The following WDR43 variants were observed in gnomAD, a reference collection of about 807,000 sequenced individuals.
The protein encoded by WDR43 is WD repeat domain 43.
In WDR43, 13 loss-of-function variants were observed where a neutral mutation model predicts 91.4. The ratio of observed to expected loss-of-function variants is 0.14; its 90% CI spans 0.09 to 0.23. The LOEUF (loss-of-function observed/expected upper bound fraction) is 0.23, where lower values mean the gene tolerates loss of function less well. Ranked by LOEUF, WDR43 falls within the 10% of genes least tolerant of loss-of-function variation. The pLI, the probability that WDR43 is intolerant of heterozygous loss-of-function variation, is 1.00. For missense variants in WDR43, 780 were observed against 809.4 expected (o/e 0.96, Z 0.44); for synonymous variants, 331 against 287.9 (o/e 1.15, Z -1.51).
chr2:28,936,504 T>C (rs1044753847), intron 12 of WDR43, among the ~76,000 whole-genome samples: 1 of 152,208 alleles, frequency 6.6e-6, no homozygotes, highest in Admixed American at 6.5e-5. Context: ...TTTTTTTCTT[T>C]GTATTTTAAA....
intron 2 of WDR43, among the ~76,000 whole-genome samples, chr2:28,905,345 C>T (rs1159032092): frequency 6.6e-6 from 1 of 152,148 alleles, no homozygotes; most frequent in Non-Finnish European, 1.5e-5. Context: ...TGAATGAGCT[C>T]TTCTCAGTTT....
At chr2:28,920,517 C>A (rs766061308) in intron 6 of WDR43, among the ~76,000 whole-genome samples, 4 of 151,216 alleles carry the variant, frequency 2.6e-5, no homozygotes, top group African/African-American at 9.7e-5. Context: ...CATAAGCCAC[C>A]CCACTCAACC....
chr2:28,913,110 C>A (rs950396887), intron 4 of WDR43, among the ~76,000 whole-genome samples: 3 of 151,684 alleles, frequency 2.0e-5, no homozygotes, highest in Non-Finnish European at 2.9e-5. Flanking sequence ...CCCGCCACCA[C>A]GCGTGGCTAA....
chr2:28,942,265 G>A (rs917713298), intron 15 of WDR43, 47 bp from the exon 16 acceptor site: 3 of 1,583,450 alleles, frequency 1.9e-6, no homozygotes, highest in African/African-American at 1.3e-5. Flanking sequence ...GTGATACTTG[G>A]GATATGTTTA....
Position 28,914,107 on chromosome 2 carries a change from G to A in WDR43, c.645G>A (p.Met215Ile). 6.2e-6 allele frequency: 10 copies of A among 1,613,908 alleles called. No individual in the cohort carries two copies. The highest frequency in any genetic ancestry group is 8.5e-6 in the Non-Finnish European group (10 of 1,179,866). ...ATGCAACGCCAGTTTCGTCACTGATGTTCACTACCATCAGACCTCCTAATG... is the reference window on the plus strand; with the variant it reads ...ATGCAACGCCAGTTTCGTCACTGATATTCACTACCATCAGACCTCCTAATG... ...TGHATPVSSLMFTTIRPPNES... is the reference protein window; with the variant it reads ...TGHATPVSSLIFTTIRPPNES... The change falls in exon 5 of 18, where the codon ATG (methionine) becomes ATA (isoleucine). Residue 215 changes from methionine to isoleucine, a missense_variant. Met to Ile is a conservative substitution (Grantham distance 10, BLOSUM62 1). Around this residue, in one of 4 missense-constraint regions of WDR43, gnomAD observed 174 missense variants for 207.3 expected, o/e 0.84. Coordinates refer to ENST00000407426, the MANE Select transcript of WDR43 (RefSeq NM_015131.3).
chr2:28,946,412 G>C, intron 16 of WDR43, 38 bp from the exon 17 acceptor site: 1 of 1,586,490 alleles, frequency 6.3e-7, no homozygotes, highest in Non-Finnish European at 8.6e-7. Context: ...CCTCTGTTTT[G>C]TTCTAAAATT....
intron 2 of WDR43, among the ~76,000 whole-genome samples, 157 bp from the exon 3 acceptor site, chr2:28,906,303 T>C (rs1670677167): frequency 1.3e-5 from 2 of 152,140 alleles, no homozygotes; most frequent in African/African-American, 2.4e-5. Context: ...CACCATTGGC[T>C]CTATGTAGTT....
intron 11 of WDR43, among the ~76,000 whole-genome samples, chr2:28,932,136 A>C (rs544288819): frequency 6.6e-6 from 1 of 151,968 alleles, no homozygotes; most frequent in African/African-American, 2.4e-5. Context: ...CCTCAGCCTC[A>C]CAAAGTGCTG....
At chr2:28,929,504 T>C in intron 10 of WDR43, 75 bp from the exon 11 acceptor site, 1 of 1,257,460 alleles carries the variant, frequency 8.0e-7, no homozygotes, top group Non-Finnish European at 1.0e-6. Context: ...TATTTTATTT[T>C]ATTTTATTTT....
intron 13 of WDR43, among the ~76,000 whole-genome samples, chr2:28,937,236 C>T (rs1190024142): frequency 2.6e-5 from 4 of 152,042 alleles, no homozygotes; most frequent in Non-Finnish European, 4.4e-5. Context: ...CTTATAGTAC[C>T]TGCCGAACCT....
Position 28,927,366 on chromosome 2 carries a change from A to G in WDR43, c.1174-203A>G, listed in dbSNP as rs1671160036. 4 of 624,664 alleles carry G rather than the reference A, an allele frequency of 6.4e-6. No individual in the cohort carries two copies. The Admixed American group carries it at 1.3e-4, about 20-fold the overall frequency. The allele number at this position is 624,664 out of a possible 1,614,324, so 38.7% of individuals were successfully genotyped here. On this transcript the variant is annotated intron_variant, in intron 9 of 17. Coordinates refer to ENST00000407426, the MANE Select transcript of WDR43 (RefSeq NM_015131.3). ...GGATTTTACTCTTATGTGGTATTGT[A>G]AGCTTTAAATTCACAGTCTTTCAGA...
At chr2:28,940,111 CAAAAAAAAAA>C (rs369746530) in intron 14 of WDR43, among the ~76,000 whole-genome samples, 1 of 103,366 alleles carries the variant, frequency 9.7e-6, no homozygotes, top group Non-Finnish European at 1.8e-5. Flanking sequence ...GACTCCGTCT[CAAAAAAAAAA>C]AAAAAAAAGA....
chr2:28,930,708 C>A (rs10181640), intron 11 of WDR43, among the ~76,000 whole-genome samples: 1 of 152,106 alleles, frequency 6.6e-6, no homozygotes, highest in African/African-American at 2.4e-5. Flanking sequence ...GCTTTGAAAC[C>A]TTCCTCAGTA....
Position 28,898,786 on chromosome 2 carries a change from A to G in WDR43, c.226-3201A>G, listed in dbSNP as rs564549770. Among the ~76,000 whole-genome samples the G allele has an allele frequency of 5.3e-5, 8 of 152,186 alleles. No individual in the cohort carries two copies. In the South Asian group the frequency reaches 1.7e-3, roughly 32 times the overall value. On this transcript the variant is annotated intron_variant, in intron 1 of 17. Transcript: ENST00000407426. ...AGCTTGTTTCTATATGTGTATTTTT[A>G]TGAGAGTGTAGTGACTGCATGTAAA...
chr2:28,905,926 T>G (rs1572581415), intron 2 of WDR43, among the ~76,000 whole-genome samples: 1 of 152,196 alleles, frequency 6.6e-6, no homozygotes, highest in East Asian at 1.9e-4. Context: ...CCCAAAGTGC[T>G]GGGATTACAG....
intron 16 of WDR43, among the ~76,000 whole-genome samples, chr2:28,943,166 CTG>C (rs1015267627): frequency 6.6e-6 from 1 of 152,178 alleles, no homozygotes; most frequent in African/African-American, 2.4e-5. Context: ...CAGACTCTCT[CTG>C]TTGCTCAGGC....
chr2:28,920,227 T>TCTTTTTTTTTTTTTTTTTTTTTTA (rs67020959), intron 6 of WDR43, among the ~76,000 whole-genome samples: 1 of 105,494 alleles, frequency 9.5e-6, no homozygotes, highest in African/African-American at 3.0e-5. Context: ...TTTCTTTCTT[T>TCTTTTTTTTTTTTTTTTTTTTTTA]TTTTTTTTTT....
intron 11 of WDR43, among the ~76,000 whole-genome samples, chr2:28,932,692 G>A (rs1671271168): frequency 6.6e-6 from 1 of 152,112 alleles, no homozygotes; most frequent in Admixed American, 6.6e-5. Flanking sequence ...ATACAACATG[G>A]CACCTTCCAA....
Position 28,935,482 on chromosome 2 carries a change from C to T in WDR43, c.1438-39C>T, listed in dbSNP as rs769633387. 2.1e-6 allele frequency: 3 copies of T among 1,401,194 alleles called. No homozygotes were observed. The South Asian group carries it at 3.9e-5, about 18-fold the overall frequency. 86.8% of individuals were successfully genotyped at this position (1,401,194 alleles called of 1,614,324 possible). Reference sequence around the variant, plus strand: ...TTTTTCTGTGATGTCCTTGGTTTGTCAGTATGCTCATCTTAATAATCCTTT... The same window carrying T: ...TTTTTCTGTGATGTCCTTGGTTTGTTAGTATGCTCATCTTAATAATCCTTT... On this transcript the variant is annotated intron_variant, in intron 11 of 17. Coordinates refer to ENST00000407426, the MANE Select transcript of WDR43 (RefSeq NM_015131.3).
Sources: gnomAD v4.1 joint callset for allele counts (sites outside exome capture counted in the v4.1 genomes callset) on GRCh38, gnomAD v4.1.1 for gene constraint, gnomAD v4.1.1 regional missense constraint, MANE v1.5 for transcripts, NCBI Gene and HGNC (gene_info 2026-07-23, HGNC 2026-07-21) for gene names.